The following CSMD1 variants were observed in gnomAD, a reference collection of about 807,000 sequenced individuals.
CSMD1 encodes CUB and sushi domain-containing protein 1.
CSMD1 carries 213 observed loss-of-function variants against 417.5 expected under a neutral mutation model. The ratio of observed to expected loss-of-function variants is 0.51; its 90% CI spans 0.46 to 0.57. The LOEUF (loss-of-function observed/expected upper bound fraction) is 0.57, where lower values mean the gene tolerates loss of function less well. Ranked by LOEUF, CSMD1 falls within the 20% of genes least tolerant of loss-of-function variation. CSMD1 has a pLI of 0.00. For synonymous variants in CSMD1, 2,862 were observed against 1,736.8 expected (o/e 1.65, Z -16.11); for missense variants, 6,923 against 4,529.7 (o/e 1.53, Z -15.17).
chr8:3,758,702 G>C (rs1797814950), intron 5 of CSMD1, among the ~76,000 whole-genome samples: 1 of 152,204 alleles, frequency 6.6e-6, no homozygotes, highest in South Asian at 2.1e-4. Context: ...GGCTTTGTGG[G>C]AGGCAGAATC....
intron 2 of CSMD1, among the ~76,000 whole-genome samples, chr8:4,483,343 G>C (rs1249095254): frequency 6.6e-6 from 1 of 152,150 alleles, no homozygotes; most frequent in Non-Finnish European, 1.5e-5. Flanking sequence ...GCATGAAAAT[G>C]AACAAATACA....
At chr8:3,190,301 G>C (rs1461363914) in intron 33 of CSMD1, among the ~76,000 whole-genome samples, 186 bp from the exon 34 acceptor site, 1 of 104,978 alleles carries the variant, frequency 9.5e-6, no homozygotes, top group East Asian at 2.5e-4. Context: ...TGCAGATAGA[G>C]AAGTTAATAA....
At chr8:2,962,835 G>A (rs1585058117) in intron 60 of CSMD1, among the ~76,000 whole-genome samples, 196 bp from the exon 61 acceptor site, 1 of 152,204 alleles carries the variant, frequency 6.6e-6, no homozygotes, top group African/African-American at 2.4e-5. Context: ...GATCGCTTGA[G>A]CTCAGGAGTT....
At chr8:4,601,546 T>G (rs1426489676) in intron 2 of CSMD1, among the ~76,000 whole-genome samples, 1 of 152,108 alleles carries the variant, frequency 6.6e-6, no homozygotes, top group Non-Finnish European at 1.5e-5. Context: ...GTCATACAGA[T>G]GATAAAAGGT....
chr8:3,507,852 T>C (rs112199995), intron 10 of CSMD1, among the ~76,000 whole-genome samples: 8,583 of 152,140 alleles, frequency 0.056, 317 homozygotes, highest in Admixed American at 0.13. Flanking sequence ...TTGATGGGGT[T>C]GTTTGTTTTT....
chr8:4,083,328 C>G (rs1004171673), intron 3 of CSMD1, among the ~76,000 whole-genome samples: 1 of 152,090 alleles, frequency 6.6e-6, no homozygotes, highest in Non-Finnish European at 1.5e-5. Context: ...GAGATGGTAT[C>G]TCATTGAGGT....
chr8:3,687,222 G>T (rs1049209762), intron 7 of CSMD1, among the ~76,000 whole-genome samples: 4 of 152,206 alleles, frequency 2.6e-5, no homozygotes, highest in African/African-American at 9.6e-5. Context: ...CCCAGGGCAG[G>T]TCCACATTCA....
rs189330028 is a variant in CSMD1 at position 3,120,238 on chromosome 8, C to T, written c.6242-1651G>A. Among the ~76,000 whole-genome samples the T allele has an allele frequency of 3.9e-5, 6 of 152,078 alleles. No homozygotes were observed. In the East Asian group the frequency reaches 7.7e-4, roughly 20 times the overall value. Reference sequence around the variant, plus strand: ...GGATGGGAACACAAAGAGCTTGATGCGGGATTACTCAGGGATTAGATTTAA... The same window carrying T: ...GGATGGGAACACAAAGAGCTTGATGTGGGATTACTCAGGGATTAGATTTAA... On this transcript the variant is annotated intron_variant, in intron 41 of 69. Transcript: ENST00000635120.
chr8:4,065,348 C>T (rs750925906), intron 3 of CSMD1, among the ~76,000 whole-genome samples: 2 of 152,174 alleles, frequency 1.3e-5, no homozygotes, highest in Non-Finnish European at 2.9e-5. Context: ...CTGGTGTTCA[C>T]CAAAGTCATG....
chr8:4,939,553 AAT>A (rs1330471894), intron 1 of CSMD1, among the ~76,000 whole-genome samples: 16 of 152,234 alleles, frequency 1.1e-4, no homozygotes, highest in African/African-American at 3.6e-4. Context: ...CAGAAAGACA[AAT>A]ATCACATGAT....
intron 3 of CSMD1, among the ~76,000 whole-genome samples, chr8:4,112,771 T>C (rs1028980154): frequency 1.3e-5 from 2 of 152,224 alleles, no homozygotes; most frequent in Non-Finnish European, 2.9e-5. Context: ...CTCCAGCTTA[T>C]GGCTCCAAAC....
chr8:4,054,896 C>G (rs1452207032), intron 3 of CSMD1, among the ~76,000 whole-genome samples: 1 of 152,104 alleles, frequency 6.6e-6, no homozygotes, highest in Non-Finnish European at 1.5e-5. Context: ...GCTACGTCTG[C>G]CTGTGCCCTG....
At chr8:3,514,053 G>A (rs1464709892) in intron 10 of CSMD1, among the ~76,000 whole-genome samples, 1 of 152,072 alleles carries the variant, frequency 6.6e-6, no homozygotes, top group East Asian at 1.9e-4. Context: ...GTTCTCTTAG[G>A]AACACCCTGT....
At chr8:3,768,114 G>A (rs1798385085) in intron 5 of CSMD1, among the ~76,000 whole-genome samples, 1 of 152,096 alleles carries the variant, frequency 6.6e-6, no homozygotes, top group East Asian at 1.9e-4. Flanking sequence ...AGGCCAAAAT[G>A]TGTGTCTTCA....
At chr8:4,523,493 G>A (rs557230509) in intron 2 of CSMD1, among the ~76,000 whole-genome samples, 3 of 152,240 alleles carry the variant, frequency 2.0e-5, no homozygotes, top group Middle Eastern at 6.8e-3. Flanking sequence ...TAAGAGGAGT[G>A]TAGGATGGCT....
chr8:3,301,410 G>C (rs187263762), intron 25 of CSMD1, among the ~76,000 whole-genome samples: 9 of 152,250 alleles, frequency 5.9e-5, no homozygotes, highest in East Asian at 5.8e-4. Flanking sequence ...TGGAGGTCTT[G>C]ACATGTGGAT....
intron 37 of CSMD1, among the ~76,000 whole-genome samples, chr8:3,166,474 C>T (rs1228649800): frequency 1.3e-5 from 2 of 152,114 alleles, no homozygotes; most frequent in South Asian, 2.1e-4. Flanking sequence ...GCAGAGGTTG[C>T]AGTGAGCCAA....
At chr8:4,083,899 C>G (rs570355199) in intron 3 of CSMD1, among the ~76,000 whole-genome samples, 1 of 152,238 alleles carries the variant, frequency 6.6e-6, no homozygotes, top group African/African-American at 2.4e-5. Flanking sequence ...CCAGAGTGAA[C>G]AGGCGACTTA....
chr8:4,140,168 C>T (rs1276307256), intron 3 of CSMD1, among the ~76,000 whole-genome samples: 2 of 150,222 alleles, frequency 1.3e-5, no homozygotes, highest in African/African-American at 5.0e-5. Context: ...GCCTGAGCAA[C>T]ATAGCAAAAA....
Sources: gnomAD v4.1 joint callset for allele counts (sites outside exome capture counted in the v4.1 genomes callset) on GRCh38, gnomAD v4.1.1 for gene constraint, MANE v1.5 for transcripts, NCBI Gene and HGNC (gene_info 2026-07-23, HGNC 2026-07-21) for gene names.